Variants in SPOCK3 observed in about 807,000 individuals in gnomAD.
SPOCK3 encodes SPARC (osteonectin), cwcv and kazal like domains proteoglycan 3, also known as testican-3.
In SPOCK3, 30 loss-of-function variants were observed where a neutral mutation model predicts 56.6. The ratio of observed to expected loss-of-function variants is 0.53; its 90% CI spans 0.40 to 0.72. SPOCK3 has a LOEUF of 0.72. Ranked by LOEUF, SPOCK3 falls within the 30% of genes least tolerant of loss-of-function variation. SPOCK3 has a pLI of 0.00. For synonymous variants in SPOCK3, 196 were observed against 183.3 expected (o/e 1.07, Z -0.56); for missense variants, 527 against 530.0 (o/e 0.99, Z 0.06).
At chr4:166,958,647 G>A (rs1289216541) in intron 4 of SPOCK3, among the ~76,000 whole-genome samples, 3 of 152,096 alleles carry the variant, frequency 2.0e-5, no homozygotes, top group Admixed American at 6.5e-5. Context: ...GAATAATCAG[G>A]GTACAGGAAA....
intron 2 of SPOCK3, among the ~76,000 whole-genome samples, chr4:167,090,175 G>T (rs983757229): frequency 6.6e-6 from 1 of 152,114 alleles, no homozygotes; most frequent in Admixed American, 6.6e-5. Flanking sequence ...GTATGTGTAG[G>T]TTTAACTGTA....
chr4:167,025,891 C>T (rs915169847), intron 3 of SPOCK3, among the ~76,000 whole-genome samples: 2 of 152,064 alleles, frequency 1.3e-5, no homozygotes, highest in African/African-American at 4.8e-5. Context: ...TACTACTCAC[C>T]TAGGCTACAT....
At chr4:166,924,936 G>T (rs955659738) in intron 4 of SPOCK3, among the ~76,000 whole-genome samples, 1 of 152,124 alleles carries the variant, frequency 6.6e-6, no homozygotes, top group African/African-American at 2.4e-5. Context: ...ATATTGATTT[G>T]ATAAAAGTAA....
chr4:166,957,614 C>T (rs1743641115), intron 4 of SPOCK3, among the ~76,000 whole-genome samples: 1 of 152,176 alleles, frequency 6.6e-6, no homozygotes, highest in Non-Finnish European at 1.5e-5. Context: ...GTATGCATCA[C>T]TTACTATAAG....
intron 2 of SPOCK3, among the ~76,000 whole-genome samples, chr4:167,084,455 C>T (rs925114317): frequency 1.3e-5 from 2 of 152,104 alleles, no homozygotes; most frequent in African/African-American, 2.4e-5. Flanking sequence ...CACTGCACAG[C>T]CCCAAGGCAA....
chr4:167,017,722 ATGTG>A (rs892712679), intron 3 of SPOCK3, among the ~76,000 whole-genome samples: 2 of 151,436 alleles, frequency 1.3e-5, no homozygotes, highest in South Asian at 2.1e-4. Context: ...ATATGAATGT[ATGTG>A]TGTGTGTGTG....
At chr4:166,741,386 A>T (rs1734832083) in intron 9 of SPOCK3, among the ~76,000 whole-genome samples, 1 of 152,216 alleles carries the variant, frequency 6.6e-6, no homozygotes, top group Non-Finnish European at 1.5e-5. Flanking sequence ...TAAATTTAAA[A>T]CTATTCCAAA....
chr4:166,965,087 T>C (rs1184545937), intron 4 of SPOCK3, among the ~76,000 whole-genome samples: 9 of 152,094 alleles, frequency 5.9e-5, no homozygotes, highest in African/African-American at 9.6e-5. Context: ...AATGACTGTT[T>C]ATCTGGAAAA....
intron 6 of SPOCK3, among the ~76,000 whole-genome samples, chr4:166,874,448 T>C (rs965407826): frequency 2.8e-4 from 42 of 152,186 alleles, no homozygotes; most frequent in South Asian, 2.1e-4. Flanking sequence ...ATAAGTAGAA[T>C]TGATTATTTA....
intron 6 of SPOCK3, among the ~76,000 whole-genome samples, chr4:166,842,225 A>G (rs1747496175): frequency 6.6e-6 from 1 of 152,216 alleles, no homozygotes; most frequent in Non-Finnish European, 1.5e-5. Flanking sequence ...CACGGTGAGG[A>G]AGAGGACTTC....
intron 4 of SPOCK3, among the ~76,000 whole-genome samples, chr4:166,975,090 T>C (rs1745796496): frequency 6.6e-6 from 1 of 152,186 alleles, no homozygotes; most frequent in Admixed American, 6.5e-5. Context: ...GATGCTTTTG[T>C]CCATGTTAGG....
intron 3 of SPOCK3, among the ~76,000 whole-genome samples, chr4:167,049,445 G>C (rs764250961): frequency 6.6e-6 from 1 of 152,130 alleles, no homozygotes; most frequent in Non-Finnish European, 1.5e-5. Flanking sequence ...AAACACACTA[G>C]ACTCGCTGGT....
At chr4:167,001,782 A>C (rs1561105451) in intron 3 of SPOCK3, among the ~76,000 whole-genome samples, 2 of 152,140 alleles carry the variant, frequency 1.3e-5, no homozygotes, top group Non-Finnish European at 2.9e-5. Flanking sequence ...AACCAGAAAA[A>C]TGTGCATTTG....
At chr4:167,201,441 GCTGTC>G (rs767228617) in intron 2 of SPOCK3, among the ~76,000 whole-genome samples, 3 of 151,854 alleles carry the variant, frequency 2.0e-5, no homozygotes, top group Non-Finnish European at 4.4e-5. Flanking sequence ...GAGCTCAGAA[GCTGTC>G]ATATCATCCT....
chr4:167,067,502 C>T (rs1756275781), intron 2 of SPOCK3, among the ~76,000 whole-genome samples: 2 of 151,654 alleles, frequency 1.3e-5, no homozygotes, highest in Non-Finnish European at 2.9e-5. Context: ...ATATTCTAAG[C>T]AAATATGACA....
chr4:166,830,413 C>A (rs1382278308), intron 6 of SPOCK3, among the ~76,000 whole-genome samples: 2 of 152,076 alleles, frequency 1.3e-5, no homozygotes, highest in Non-Finnish European at 2.9e-5. Context: ...CTGTATCATT[C>A]ATTAAAGGAA....
chr4:167,070,352 T>C (rs1319264590), intron 2 of SPOCK3, among the ~76,000 whole-genome samples: 2 of 151,934 alleles, frequency 1.3e-5, no homozygotes, highest in African/African-American at 4.8e-5. Flanking sequence ...CAAATCTCCA[T>C]AATCAAAGCA....
At chr4:166,938,346 A>C (rs1479522316) in intron 4 of SPOCK3, among the ~76,000 whole-genome samples, 1 of 152,190 alleles carries the variant, frequency 6.6e-6, no homozygotes, top group Non-Finnish European at 1.5e-5. Context: ...GTTTCCTCTG[A>C]AGTTTTGATT....
chr4:167,096,233 T>C (rs896071584), intron 2 of SPOCK3, among the ~76,000 whole-genome samples: 1 of 151,922 alleles, frequency 6.6e-6, no homozygotes, highest in Admixed American at 6.6e-5. Context: ...CCGCAAACTA[T>C]ATTTTAATAA....
Sources: allele counts gnomAD v4.1 joint callset (sites outside exome capture counted in the v4.1 genomes callset), GRCh38; gene constraint gnomAD v4.1.1; transcripts MANE v1.5; gene names NCBI Gene and HGNC (gene_info 2026-07-23, HGNC 2026-07-21).